PPARGC1B: variants seen among roughly 807,000 people sequenced by gnomAD.
PPARGC1B encodes PPARG coactivator 1 beta.
In PPARGC1B, 34 loss-of-function variants were observed where a neutral mutation model predicts 101.6. The observed-to-expected ratio is 0.33, with a 90% CI of 0.25 to 0.45. The LOEUF (loss-of-function observed/expected upper bound fraction) is 0.45. Among genes scored for constraint, PPARGC1B ranks in the 20% least tolerant of loss-of-function variants. The pLI is 1.00. For synonymous variants in PPARGC1B, 548 were observed against 539.3 expected (o/e 1.02, Z -0.22); for missense variants, 1,234 against 1,317.6 (o/e 0.94, Z 0.98).
chr5:149,799,714 T>TTTTTG (rs1757369566), intron 1 of PPARGC1B, among the ~76,000 whole-genome samples: 1 of 144,222 alleles, frequency 6.9e-6, no homozygotes, highest in African/African-American at 2.7e-5. Context: ...TTTTTTTTTT[T>TTTTTG]GAGACGAAGT....
intron 1 of PPARGC1B, among the ~76,000 whole-genome samples, chr5:149,780,129 G>A (rs941669465): frequency 6.6e-6 from 1 of 152,204 alleles, no homozygotes; most frequent in African/African-American, 2.4e-5. Flanking sequence ...TCTGCTGCAG[G>A]GTCTGGGAGC....
chr5:149,783,691 G>A (rs1191733563), intron 1 of PPARGC1B, among the ~76,000 whole-genome samples: 1 of 152,174 alleles, frequency 6.6e-6, no homozygotes, highest in African/African-American at 2.4e-5. Context: ...TCCCTCTCCG[G>A]GTTTCAAATT....
intron 1 of PPARGC1B, among the ~76,000 whole-genome samples, chr5:149,784,560 C>CTTTTTTTTTTTTTTTTTTTTTTT (rs72364863): frequency 4.0e-5 from 3 of 75,704 alleles, no homozygotes; most frequent in African/African-American, 5.7e-5. Flanking sequence ...AACTGAGTTT[C>CTTTTTTTTTTTTTTTTTTTTTTT]TTTTTTTTTT....
rs1451922660 is a variant in PPARGC1B at position 149,834,679 on chromosome 5, C to T, written c.1711C>T (p.Pro571Ser). The T allele has an allele frequency of 1.2e-6, 2 of 1,613,396 alleles. No homozygotes were observed. Among genetic ancestry groups the T allele is most frequent in the Non-Finnish European group, 1.7e-6 (2 of 1,179,332 alleles). ...SCPQLPPRDSPRCLMLALSQS... is the reference protein window; with the variant it reads ...SCPQLPPRDSSRCLMLALSQS... ...TTTCTGTGTCTTCTTTTCAGACTCTCCCAGGTGCCTCATGCTGGCCTTGTC... is the reference window on the plus strand; with the variant it reads ...TTTCTGTGTCTTCTTTTCAGACTCTTCCAGGTGCCTCATGCTGGCCTTGTC... The change falls in exon 6 of 12, where the codon CCC becomes TCC. Residue 571 changes from proline to serine, a missense_variant. Physicochemically the swap from Pro to Ser is moderately conservative, Grantham distance 74 (BLOSUM62 -1). Around this residue, in one of 3 missense-constraint regions of PPARGC1B, gnomAD observed 734 missense variants for 768.4 expected, o/e 0.96. Coordinates refer to ENST00000309241, the MANE Select transcript of PPARGC1B (RefSeq NM_133263.4).
At chr5:149,802,372 G>A (rs1006201479) in intron 1 of PPARGC1B, among the ~76,000 whole-genome samples, 1 of 152,062 alleles carries the variant, frequency 6.6e-6, no homozygotes, top group Non-Finnish European at 1.5e-5. Context: ...CCTGCCTCCC[G>A]GGATTCAGAT....
chr5:149,792,102 C>T (rs571267336), intron 1 of PPARGC1B, among the ~76,000 whole-genome samples: 27 of 151,650 alleles, frequency 1.8e-4, no homozygotes, highest in South Asian at 6.3e-4. Flanking sequence ...AGGTGGGGAG[C>T]GGGTGGAGTG....
At chr5:149,787,716 T>A (rs1756865349) in intron 1 of PPARGC1B, among the ~76,000 whole-genome samples, 1 of 152,182 alleles carries the variant, frequency 6.6e-6, no homozygotes, top group Non-Finnish European at 1.5e-5. Flanking sequence ...CAGTGAGATC[T>A]GCAGGGAGGT....
intron 4 of PPARGC1B, among the ~76,000 whole-genome samples, chr5:149,831,459 C>T (rs982068486): frequency 6.6e-6 from 1 of 152,232 alleles, no homozygotes; most frequent in Non-Finnish European, 1.5e-5. Flanking sequence ...GCATCCAATC[C>T]TACATCCTCA....
At position 149,837,310 on chromosome 5, in the gene PPARGC1B, C is replaced by G. The variant is rs955077596; in HGVS notation, c.2618+237C>G. ...TGAAATCGAGAGTGTCCCAAACATC[C>G]TGGCCTCCAGAAAGAAAGAAAACCC... is the stretch of plus-strand genomic sequence containing the variant. On this transcript the variant is annotated intron_variant, in intron 8 of 11. Transcript: ENST00000309241. The surrounding 1 kb of genome is among the most constrained non-coding windows in gnomAD (Gnocchi z 4.2). 6.6e-6 allele frequency among the ~76,000 whole-genome samples: 1 copy of G among 152,238 alleles called. No homozygotes were observed. Among genetic ancestry groups the G allele is most frequent in the African/African-American group, 2.4e-5 (1 of 41,470 alleles).
intron 1 of PPARGC1B, among the ~76,000 whole-genome samples, chr5:149,804,115 T>G (rs1285363446): frequency 6.6e-6 from 1 of 152,216 alleles, no homozygotes; most frequent in Admixed American, 6.5e-5. Context: ...AAACCACCCC[T>G]CAACCCCCGG....
chr5:149,832,813 A>T lies in PPARGC1B; in HGVS notation c.740A>T (p.Asp247Val). The T allele has an allele frequency of 6.2e-7, 1 of 1,611,926 alleles. No individual in the cohort carries two copies. The highest frequency in any genetic ancestry group is 8.5e-7 in the Non-Finnish European group (1 of 1,178,856). The change falls in exon 5 of 12, where the codon GAC becomes GTC. Residue 247 changes from aspartate to valine, a missense_variant. Coordinates refer to ENST00000309241, the MANE Select transcript of PPARGC1B (RefSeq NM_133263.4). The surrounding 1 kb of genome is among the most constrained non-coding windows in gnomAD (Gnocchi z 4.9). ...AGTCCCCGGCTCCCTGCCAAGGAGG[A>T]CAAGGAGCCGGGTGAGGACTGCCCG... is the stretch of plus-strand genomic sequence containing the variant. Reference protein sequence around the residue: ...LQSPRLPAKEDKEPGEDCPSP... With the variant: ...LQSPRLPAKEVKEPGEDCPSP...
chr5:149,732,694 C>A, intron 1 of PPARGC1B: 2 of 420,666 alleles, frequency 4.8e-6, no homozygotes, highest in South Asian at 3.5e-5. Flanking sequence ...CTAGAAGGCT[C>A]GGAGAGCCCA....
intron 2 of PPARGC1B, among the ~76,000 whole-genome samples, chr5:149,820,881 T>A (rs1196365533): frequency 6.6e-6 from 1 of 152,152 alleles, no homozygotes; most frequent in Non-Finnish European, 1.5e-5. Context: ...CCCCTTCGTG[T>A]GCCACAGAGG....
intron 1 of PPARGC1B, among the ~76,000 whole-genome samples, chr5:149,745,013 T>C (rs1183705655): frequency 1.3e-5 from 2 of 150,956 alleles, no homozygotes; most frequent in Non-Finnish European, 2.9e-5. Context: ...GGGATCCTCC[T>C]ACCTCAGCTT....
rs779161810 is a variant in PPARGC1B at position 149,833,663 on chromosome 5, T to C, written c.1590T>C (p.Ser530=). The C allele has an allele frequency of 2.9e-5, 47 of 1,610,022 alleles. No homozygotes were observed. The highest frequency in any genetic ancestry group is 1.6e-4 in the Middle Eastern group (1 of 6,080). ...TGGGCAGCCCCACGGACGAGGACAG[T>C]GGCCAAGACCAGCAGCTCCTACGGG... ...RELGSPTDED[S]GQDQQLLRGP... is the part of the protein sequence containing the mutation. The change falls in exon 5 of 12, where the codon AGT becomes AGC. Residue 530 remains serine (S), a synonymous_variant. Transcript: ENST00000309241. This position sits in a 1 kb window ranked among gnomAD's most constrained non-coding sequence, Gnocchi z 4.1.
rs1470082899 is a variant in PPARGC1B, at chr5:149,772,119, G to A, written c.78+41699G>A. ...TTGGGGCTGCCCCAGGACCCTTGGA[G>A]GAGCCGCCACCAGAGCAATGGTAGG... On this transcript the variant is annotated intron_variant, in intron 1 of 11. Transcript: ENST00000309241. 6 of 1,595,976 alleles carry A rather than the reference G, an allele frequency of 3.8e-6. No individual in the cohort carries two copies. The East Asian group carries it at 1.4e-4, about 36-fold the overall frequency.
intron 1 of PPARGC1B, among the ~76,000 whole-genome samples, chr5:149,789,812 G>T (rs765910365): frequency 2.0e-4 from 30 of 152,208 alleles, no homozygotes; most frequent in Admixed American, 1.2e-3. Context: ...TGCACTTCTA[G>T]ATCCTTTCTT....
chr5:149,732,182 G>T (rs1754520238), intron 1 of PPARGC1B, among the ~76,000 whole-genome samples: 1 of 152,212 alleles, frequency 6.6e-6, no homozygotes, highest in South Asian at 2.1e-4. Flanking sequence ...GCCGGTGTCT[G>T]CGCCGAAGGC....
At chr5:149,731,001 G>T (rs1393859747) in intron 1 of PPARGC1B, among the ~76,000 whole-genome samples, 2 of 152,250 alleles carry the variant, frequency 1.3e-5, no homozygotes, top group Non-Finnish European at 2.9e-5. Context: ...ACATGCGGGC[G>T]GAGACAGCGT....
Sources: gnomAD v4.1 joint callset for allele counts (sites outside exome capture counted in the v4.1 genomes callset) on GRCh38, gnomAD v4.1.1 for gene constraint, gnomAD v4.1.1 regional missense constraint, Gnocchi (gnomAD v3.1) non-coding constraint, MANE v1.5 for transcripts, NCBI Gene and HGNC (gene_info 2026-07-23, HGNC 2026-07-21) for gene names.